DGAT2: variants seen among roughly 807,000 people sequenced by gnomAD.
DGAT2 encodes the protein diacylglycerol O-acyltransferase 2, also known as acyl-CoA retinol O-fatty-acyltransferase.
In DGAT2, 33 loss-of-function variants were observed where a neutral mutation model predicts 48.4. The ratio of observed to expected loss-of-function variants is 0.68; its 90% CI spans 0.52 to 0.91. DGAT2 has a LOEUF of 0.91. Among genes scored for constraint, DGAT2 ranks in the 40% least tolerant of loss-of-function variants. The pLI, the probability that DGAT2 is intolerant of heterozygous loss-of-function variation, is 0.00. For synonymous variants in DGAT2, 191 were observed against 194.1 expected, an observed-to-expected ratio of 0.98 and a Z score of 0.13; for missense variants, 446 against 493.7, an observed-to-expected ratio of 0.90 and a Z score of 0.92.
Position 75,769,043 on chromosome 11 carries a change from G to C in DGAT2, c.52G>C (p.Ala18Pro). 1 of 1,578,592 alleles carries C rather than the reference G, an allele frequency of 6.3e-7. No homozygotes were observed. The change falls in exon 1 of 8, where the codon GCC becomes CCC. Residue 18 changes from alanine to proline, a missense_variant. Coordinates refer to ENST00000228027, the MANE Select transcript of DGAT2 (RefSeq NM_032564.5). ...YSGVLRGERQ[A>P]EADRSQRSHG... The stretch of plus-strand genomic sequence containing the variant: ...CGGGGTCCTGCGCGGCGAGCGTCAG[G>C]CCGAGGCTGACCGGAGCCAGCGCTC...
intron 7 of DGAT2, among the ~76,000 whole-genome samples, chr11:75,799,678 A>G (rs1247592467): frequency 2.0e-5 from 3 of 151,650 alleles, no homozygotes; most frequent in Admixed American, 6.6e-5. Flanking sequence ...CAGTGGCGCA[A>G]TCTCGGCTCA....
intron 1 of DGAT2, among the ~76,000 whole-genome samples, chr11:75,783,207 C>T (rs1282250624): frequency 6.6e-6 from 1 of 152,150 alleles, no homozygotes; most frequent in Non-Finnish European, 1.5e-5. Context: ...GCAAGCTTGC[C>T]TGGGGTCACA....
chr11:75,769,044 CCG>C lies in DGAT2; in HGVS notation c.54_55del (p.Glu19GlyfsTer2). ...GGGGTCCTGCGCGGCGAGCGTCAGGCCGAGGCTGACCGGAGCCAGCGCTCTCA... is the reference window on the plus strand; with the variant it reads ...GGGGTCCTGCGCGGCGAGCGTCAGGCAGGCTGACCGGAGCCAGCGCTCTCA... On this transcript the variant is annotated frameshift_variant, in exon 1 of 8. Transcript: ENST00000228027. LOFTEE classifies it high-confidence loss of function. The C allele has an allele frequency of 1.3e-6, 2 of 1,579,850 alleles. No homozygotes were observed. Among genetic ancestry groups the C allele is most frequent in the Non-Finnish European group, 1.7e-6 (2 of 1,166,012 alleles).
At chr11:75,795,695 T>G (rs1412826801) in intron 4 of DGAT2, 2 of 153,738 alleles carry the variant, frequency 1.3e-5, no homozygotes, top group Admixed American at 1.3e-4. Context: ...TGAGCCCAGC[T>G]GACTGTGGGA....
intron 2 of DGAT2, among the ~76,000 whole-genome samples, chr11:75,785,574 T>TTCTTCCCCAGACCCC (rs2135769340): frequency 6.6e-6 from 1 of 152,356 alleles, no homozygotes; most frequent in South Asian, 2.1e-4. Flanking sequence ...AAGAAGCCTC[T>TTCTTCCCCAGACCCC]TGTTTTTCCC....
intron 1 of DGAT2, among the ~76,000 whole-genome samples, chr11:75,780,629 T>C (rs1463096170): frequency 6.6e-6 from 1 of 152,112 alleles, no homozygotes; most frequent in African/African-American, 2.4e-5. Flanking sequence ...ATCATTCATT[T>C]CTCCCCTTCC....
chr11:75,800,271 C>A, intron 7 of DGAT2, 83 bp from the exon 8 acceptor site: 1 of 1,514,738 alleles, frequency 6.6e-7, no homozygotes, highest in Non-Finnish European at 8.9e-7. Context: ...GGCCCACAGC[C>A]CAGCGTCACC....
rs889156185 is a variant in DGAT2 at position 75,768,903 on chromosome 11, C to A, written c.-89C>A. On this transcript the variant is annotated 5_prime_UTR_variant, in exon 1 of 8. Coordinates refer to ENST00000228027, the MANE Select transcript of DGAT2 (RefSeq NM_032564.5). ...CGTCCCGGGACCCCTGTGCTCTGCGCGAAGCCCTGGCCCCGGGGGCCGGGG... is the reference window on the plus strand; with the variant it reads ...CGTCCCGGGACCCCTGTGCTCTGCGAGAAGCCCTGGCCCCGGGGGCCGGGG... 5 of 1,348,756 alleles carry A rather than the reference C, an allele frequency of 3.7e-6. No homozygotes were observed. In the African/African-American group the frequency reaches 7.7e-5, roughly 21 times the overall value. The allele number at this position is 1,348,756 out of a possible 1,614,324, so 83.5% of individuals were successfully genotyped here. A position where few individuals can be genotyped will look rare whatever the true frequency, so the allele number is the denominator to read the frequency against.
intron 1 of DGAT2, among the ~76,000 whole-genome samples, chr11:75,782,957 A>G (rs554184286): frequency 1.6e-4 from 24 of 152,350 alleles, no homozygotes; most frequent in Non-Finnish European, 3.1e-4. Flanking sequence ...GAGGGCTCTC[A>G]GGCTCTAAGA....
At position 75,784,752 on chromosome 11, in the gene DGAT2, C is replaced by T; in HGVS notation, c.250+6C>T. ...CCTGTCCTTCCTTGTACTGGGTAAG[C>T]TGGGCCTTAGAGGGAGGGCAGGTGG... On this transcript the variant is annotated splice_donor_region_variant and intron_variant, in intron 2 of 7. Transcript: ENST00000228027. The T allele has an allele frequency of 6.2e-7, 1 of 1,613,904 alleles. No homozygotes were observed. The highest frequency in any genetic ancestry group is 1.1e-5 in the South Asian group (1 of 91,068).
intron 1 of DGAT2, chr11:75,775,871 T>C (rs550371652): frequency 3.9e-5 from 6 of 152,366 alleles, no homozygotes; most frequent in African/African-American, 1.2e-4. Flanking sequence ...ATCCTTTATG[T>C]ATAATTGTTC....
chr11:75,774,779 G>T (rs532179717), intron 1 of DGAT2, among the ~76,000 whole-genome samples: 2 of 152,288 alleles, frequency 1.3e-5, no homozygotes, highest in South Asian at 4.1e-4. Context: ...ATTGTGATGG[G>T]GACGTATTTT....
intron 6 of DGAT2, among the ~76,000 whole-genome samples, 194 bp from the exon 7 acceptor site, chr11:75,798,033 C>T (rs1945074730): frequency 1.3e-5 from 2 of 152,218 alleles, no homozygotes; most frequent in African/African-American, 4.8e-5. Context: ...ATATGCTCCC[C>T]AGTCCCTAGC....
intron 1 of DGAT2, among the ~76,000 whole-genome samples, chr11:75,772,626 C>G (rs1387483974): frequency 6.6e-6 from 1 of 152,122 alleles, no homozygotes; most frequent in Admixed American, 6.5e-5. Flanking sequence ...TTTTTATAGC[C>G]TTTATCACTA....
intron 5 of DGAT2, chr11:75,796,955 G>C (rs1335533492): frequency 5.9e-6 from 3 of 511,480 alleles, no homozygotes; most frequent in Middle Eastern, 5.2e-4. Context: ...AAACAACCTT[G>C]TATCATTAGC....
At position 75,790,232 on chromosome 11, in the gene DGAT2, T is replaced by C. The variant is rs367571298; in HGVS notation, c.295T>C (p.Cys99Arg). 17 of 1,614,050 alleles carry C rather than the reference T, an allele frequency of 1.1e-5. No homozygotes were observed. The highest frequency in any genetic ancestry group is 2.2e-5 in the South Asian group (2 of 91,092). Residue 99 changes from cysteine to arginine, a missense_variant, in exon 3 of 8, where the codon TGC becomes CGC. Transcript: ENST00000228027. ...AILMYIFCTD[C>R]WLIAVLYFTW... is the part of the protein sequence containing the mutation. ...CCTCATGTACATATTCTGCACTGAT[T>C]GCTGGCTCATCGCTGTGCTCTACTT...
At chr11:75,796,809 A>T (rs570116402) in intron 5 of DGAT2, 39 of 514,902 alleles carry the variant, frequency 7.6e-5, no homozygotes, top group African/African-American at 7.0e-4. Context: ...GTACAACCTG[A>T]TTGTTGTCCA....
intron 1 of DGAT2, among the ~76,000 whole-genome samples, chr11:75,782,448 A>C (rs1464985857): frequency 6.6e-6 from 1 of 152,222 alleles, no homozygotes; most frequent in Admixed American, 6.5e-5. Context: ...CCTCAGATGG[A>C]ACAGGAACTC....
chr11:75,782,922 A>C (rs184923153), intron 1 of DGAT2, among the ~76,000 whole-genome samples: 26 of 152,286 alleles, frequency 1.7e-4, no homozygotes, highest in African/African-American at 5.5e-4. Context: ...CTGGCTGTCC[A>C]ATTAGGCTAT....
Sources: gnomAD v4.1 joint callset for allele counts (sites outside exome capture counted in the v4.1 genomes callset) on GRCh38, gnomAD v4.1.1 for gene constraint, MANE v1.5 for transcripts, NCBI Gene and HGNC (gene_info 2026-07-23, HGNC 2026-07-21) for gene names.